Variants in UROS observed in about 807,000 individuals in gnomAD.
The protein encoded by UROS is uroporphyrinogen-III synthase.
A neutral mutation model predicts 33.0 loss-of-function variants in UROS; 18 were observed. That is an observed-to-expected ratio of 0.55 (90% CI 0.38 to 0.81). UROS has a LOEUF of 0.81. Among genes scored for constraint, UROS ranks in the 30% least tolerant of loss-of-function variants. UROS has a pLI of 0.00. For missense variants in UROS, 293 were observed against 314.9 expected (o/e 0.93, Z 0.53); for synonymous variants, 114 against 121.1 (o/e 0.94, Z 0.38).
intron 7 of UROS, 54 bp from the exon 8 acceptor site, chr10:125,796,242 C>T: frequency 4.6e-6 from 7 of 1,532,864 alleles, no homozygotes; most frequent in East Asian, 2.2e-5. Flanking sequence ...CACAATGGGG[C>T]CTCCACCACT....
intron 9 of UROS, among the ~76,000 whole-genome samples, chr10:125,789,787 C>T (rs567051748): frequency 2.0e-5 from 3 of 152,200 alleles, no homozygotes; most frequent in Non-Finnish European, 2.9e-5. Flanking sequence ...GCTTCTGTCC[C>T]GGCTCTGCCC....
At chr10:125,821,444 A>G (rs1853881560) in intron 1 of UROS, among the ~76,000 whole-genome samples, 1 of 152,250 alleles carries the variant, frequency 6.6e-6, no homozygotes, top group South Asian at 2.1e-4. Context: ...AAATTAATAA[A>G]GATGGAAAGT....
intron 4 of UROS, among the ~76,000 whole-genome samples, chr10:125,812,497 T>C (rs576372569): frequency 2.6e-5 from 4 of 152,366 alleles, no homozygotes; most frequent in African/African-American, 9.6e-5. Context: ...ATAAATGTTT[T>C]AGTACTCCTT....
rs199951407 is a variant in UROS, at chr10:125,816,191, T to C, written c.133A>G (p.Ser45Gly). 3 of 1,614,164 alleles carry C rather than the reference T, an allele frequency of 1.9e-6. No individual in the cohort carries two copies. The highest frequency in any genetic ancestry group is 2.2e-5 in the East Asian group (1 of 44,878). The change falls in exon 3 of 10, where the codon AGT becomes GGT. Residue 45 changes from serine to glycine, a missense_variant. Coordinates refer to ENST00000368797, the MANE Select transcript of UROS (RefSeq NM_000375.3). ...VLSFEFLSLP[S>G]FSEKLSHPED... ...ACAGGCCTTACCTTCTCAGAGAAAC[T>C]GGGAAGAGACAAAAACTCAAACGAT...
At chr10:125,795,172 C>T in intron 8 of UROS, 194 bp from the exon 9 acceptor site, 1 of 625,698 alleles carries the variant, frequency 1.6e-6, no homozygotes. Context: ...TTGGAAAGAG[C>T]AGGCTGCCAT....
downstream of UROS, chr10:125,785,624 A>C (rs778067898): frequency 1.3e-5 from 2 of 152,262 alleles, no homozygotes; most frequent in Admixed American, 1.3e-4. Flanking sequence ...CGTGTAACTC[A>C]TGAGTTAAAG....
At chr10:125,821,426 G>T (rs534392070) in intron 1 of UROS, among the ~76,000 whole-genome samples, 1 of 152,224 alleles carries the variant, frequency 6.6e-6, no homozygotes, top group East Asian at 1.9e-4. Flanking sequence ...GAGGTTTCTA[G>T]AATAGTCAAA....
At chr10:125,807,117 C>T in intron 6 of UROS, 1 of 410,972 alleles carries the variant, frequency 2.4e-6, no homozygotes, top group Non-Finnish European at 4.5e-6. Context: ...TGCCTCTGCT[C>T]TCTTTGGAAT....
chr10:125,807,748 C>T (rs2133901121), intron 5 of UROS, among the ~76,000 whole-genome samples: 1 of 152,236 alleles, frequency 6.6e-6, no homozygotes, highest in East Asian at 1.9e-4. Context: ...AGCTCATCTA[C>T]AAGAGGGGGA....
intron 9 of UROS, chr10:125,789,264 G>GC: frequency 7.1e-7 from 1 of 1,407,440 alleles, no homozygotes; most frequent in Non-Finnish European, 9.3e-7. Flanking sequence ...GGACTTGAAG[G>GC]CCCCAGGCTG....
At chr10:125,798,392 A>C (rs1851541004) in intron 6 of UROS, among the ~76,000 whole-genome samples, 1 of 152,368 alleles carries the variant, frequency 6.6e-6, no homozygotes, top group Admixed American at 6.5e-5. Context: ...ACATCCACAC[A>C]AACAAGTTAG....
chr10:125,787,505 G>T (rs1049126990), downstream of UROS, among the ~76,000 whole-genome samples: 2 of 152,084 alleles, frequency 1.3e-5, no homozygotes, highest in African/African-American at 4.8e-5. Flanking sequence ...CCTGGAGAGC[G>T]TCTAACACCT....
intron 3 of UROS, 92 bp from the exon 4 acceptor site, chr10:125,815,222 A>G: frequency 7.1e-7 from 1 of 1,401,738 alleles, no homozygotes; most frequent in South Asian, 1.2e-5. Flanking sequence ...AATGCTTCAC[A>G]ATAGTAGTAG....
downstream of UROS, among the ~76,000 whole-genome samples, chr10:125,786,515 C>T (rs1268925917): frequency 3.3e-5 from 5 of 152,082 alleles, no homozygotes; most frequent in African/African-American, 1.2e-4. Context: ...CCGCCCGCCT[C>T]AGCCTCCCAC....
At chr10:125,790,201 C>T (rs879463351) in intron 9 of UROS, among the ~76,000 whole-genome samples, 8 of 152,152 alleles carry the variant, frequency 5.3e-5, no homozygotes, top group Non-Finnish European at 8.8e-5. Context: ...CCTTGCTAAG[C>T]ACCCATTGCT....
chr10:125,788,067 T>G (rs1241525911), downstream of UROS, among the ~76,000 whole-genome samples: 1 of 152,178 alleles, frequency 6.6e-6, no homozygotes, highest in Non-Finnish European at 1.5e-5. Context: ...GGAGCCCAAA[T>G]GCCTTTCAGC....
chr10:125,810,125 T>A (rs1852676654), intron 5 of UROS, among the ~76,000 whole-genome samples: 1 of 152,184 alleles, frequency 6.6e-6, no homozygotes, highest in African/African-American at 2.4e-5. Flanking sequence ...AGAGGGCTTG[T>A]GGGCAGTGGA....
intron 9 of UROS, among the ~76,000 whole-genome samples, chr10:125,789,908 GTC>G (rs1198827296): frequency 2.0e-5 from 3 of 152,208 alleles, no homozygotes; most frequent in African/African-American, 7.2e-5. Context: ...ATGAGAGAAG[GTC>G]CTCATCCCCC....
At chr10:125,804,713 A>C (rs1852165525) in intron 6 of UROS, among the ~76,000 whole-genome samples, 2 of 151,996 alleles carry the variant, frequency 1.3e-5, no homozygotes, top group South Asian at 4.2e-4. Flanking sequence ...ATGAGGAAAA[A>C]CCCCACCTAT....
Sources: allele counts gnomAD v4.1 joint callset (sites outside exome capture counted in the v4.1 genomes callset), GRCh38; gene constraint gnomAD v4.1.1; transcripts MANE v1.5; gene names NCBI Gene and HGNC (gene_info 2026-07-23, HGNC 2026-07-21).